Variants in PARD3B observed in about 807,000 individuals in gnomAD.
PARD3B encodes the protein par-3 family cell polarity regulator beta.
In PARD3B, 103 loss-of-function variants were observed where a neutral mutation model predicts 130.2. The ratio of observed to expected loss-of-function variants is 0.79; its 90% CI spans 0.67 to 0.93. The LOEUF (loss-of-function observed/expected upper bound fraction) is 0.93, where lower values mean the gene tolerates loss of function less well. Ranked by LOEUF, PARD3B falls within the 40% of genes least tolerant of loss-of-function variation. PARD3B has a pLI of 0.00. For missense variants in PARD3B, 1,609 were observed against 1,499.2 expected, an observed-to-expected ratio of 1.07 and a Z score of -1.21; for synonymous variants, 583 against 553.2, an observed-to-expected ratio of 1.05 and a Z score of -0.76.
chr2:205,221,916 C>A (rs183002602), intron 15 of PARD3B, among the ~76,000 whole-genome samples: 25 of 152,048 alleles, frequency 1.6e-4, no homozygotes, highest in African/African-American at 6.0e-4. Flanking sequence ...ATATGCTGGA[C>A]ACATAGAGGG....
chr2:205,502,074 C>G (rs2050177034), intron 21 of PARD3B, among the ~76,000 whole-genome samples: 1 of 152,110 alleles, frequency 6.6e-6, no homozygotes, highest in Admixed American at 6.6e-5. Context: ...TACTCCAAGC[C>G]AGGGATTAGA....
At chr2:204,796,809 T>A (rs1044359753) in intron 2 of PARD3B, among the ~76,000 whole-genome samples, 2 of 152,192 alleles carry the variant, frequency 1.3e-5, no homozygotes, top group African/African-American at 2.4e-5. Context: ...CCAGGTACTA[T>A]GTTTTGAGTA....
chr2:204,675,097 G>A lies in PARD3B; in HGVS notation c.121-11084G>A, dbSNP rs774893715. Among the ~76,000 whole-genome samples, 1 of 152,008 alleles carries A rather than the reference G, an allele frequency of 6.6e-6. No homozygotes were observed. Among genetic ancestry groups the A allele is most frequent in the Non-Finnish European group, 1.5e-5 (1 of 68,006 alleles). On this transcript the variant is annotated intron_variant, in intron 1 of 22. Transcript: ENST00000406610. This position sits in a 1 kb window ranked among gnomAD's most constrained non-coding sequence, Gnocchi z 4.4. ...GGACCACACAAGTTTCTAAAACCTT[G>A]GCATCCAGGGCTTTGGACTATAAAA...
Position 204,738,205 on chromosome 2 carries a change from G to C in PARD3B, c.222+51923G>C, listed in dbSNP as rs6730681. On this transcript the variant is annotated intron_variant, in intron 2 of 22. Coordinates refer to ENST00000406610, the MANE Select transcript of PARD3B (RefSeq NM_001302769.2). ...CAATATTGATCCTTCTAATCCATGA[G>C]CATGGGATGCATTTCCATTTGTGTC... 9.5e-4 allele frequency among the ~76,000 whole-genome samples: 145 copies of C among 152,034 alleles called. 2 individuals are homozygous for C. In the South Asian group the frequency reaches 0.023, roughly 24 times the overall value.
chr2:205,053,651 A>G (rs1220749690), intron 4 of PARD3B, among the ~76,000 whole-genome samples: 1 of 152,056 alleles, frequency 6.6e-6, no homozygotes, highest in East Asian at 1.9e-4. Flanking sequence ...CAAAAAAAAA[A>G]AAAAAATTCC....
chr2:204,704,393 A>C (rs988259712), intron 2 of PARD3B, among the ~76,000 whole-genome samples: 1 of 152,224 alleles, frequency 6.6e-6, no homozygotes, highest in Non-Finnish European at 1.5e-5. Flanking sequence ...AATCTTTACC[A>C]GCTTTTGAAA....
intron 19 of PARD3B, 59 bp downstream of exon 19, chr2:205,401,182 G>A: frequency 7.5e-7 from 1 of 1,328,682 alleles, no homozygotes; most frequent in Non-Finnish European, 1.1e-6. Flanking sequence ...GTTTAATTTA[G>A]ATATTGCAAC....
chr2:204,892,804 C>T (rs546769106), intron 2 of PARD3B, among the ~76,000 whole-genome samples: 1 of 152,216 alleles, frequency 6.6e-6, no homozygotes, highest in African/African-American at 2.4e-5. Flanking sequence ...GAAGGGAGTC[C>T]TTTTCTTGAG....
chr2:205,245,750 C>G, intron 15 of PARD3B, 28 bp from the exon 16 acceptor site: 1 of 1,559,298 alleles, frequency 6.4e-7, no homozygotes, highest in Non-Finnish European at 8.8e-7. Flanking sequence ...CCGGTCTGAT[C>G]CTTGTCTCTT....
chr2:204,895,476 CGATATATATCTATGA>C (rs960389104), intron 2 of PARD3B, among the ~76,000 whole-genome samples: 2 of 151,768 alleles, frequency 1.3e-5, no homozygotes, highest in African/African-American at 4.8e-5. Context: ...GGTATTTAAC[CGATATATATCTATGA>C]GATTTCTTAA....
chr2:204,624,542 A>G (rs1255259757), intron 1 of PARD3B, among the ~76,000 whole-genome samples: 1 of 152,216 alleles, frequency 6.6e-6, no homozygotes, highest in Non-Finnish European at 1.5e-5. Flanking sequence ...ATTTTTCACA[A>G]TAGTCAAAAT....
chr2:204,857,969 T>A (rs1451645803), intron 2 of PARD3B, among the ~76,000 whole-genome samples: 1 of 152,182 alleles, frequency 6.6e-6, no homozygotes, highest in Non-Finnish European at 1.5e-5. Context: ...GGGTTAGTCC[T>A]GAACACTTGG....
chr2:205,216,926 C>T (rs1182269672), intron 15 of PARD3B, among the ~76,000 whole-genome samples: 2 of 152,118 alleles, frequency 1.3e-5, no homozygotes, highest in African/African-American at 4.8e-5. Flanking sequence ...CCTCTTCACT[C>T]TGCCACTCTT....
chr2:204,939,740 A>G (rs777464772), intron 2 of PARD3B, among the ~76,000 whole-genome samples: 45 of 152,350 alleles, frequency 3.0e-4, no homozygotes, highest in Middle Eastern at 3.4e-3. Flanking sequence ...AGTGAGTTTT[A>G]TAAACAGGGC....
At chr2:205,604,276 A>T (rs1193223053) in intron 22 of PARD3B, among the ~76,000 whole-genome samples, 1 of 152,146 alleles carries the variant, frequency 6.6e-6, no homozygotes, top group East Asian at 1.9e-4. Flanking sequence ...AGTTTAATGG[A>T]CTTACAGTTC....
At chr2:205,279,616 T>G (rs1272398810) in intron 16 of PARD3B, among the ~76,000 whole-genome samples, 1 of 152,148 alleles carries the variant, frequency 6.6e-6, no homozygotes, top group Non-Finnish European at 1.5e-5. Context: ...TAGAATCGCC[T>G]CTGTGCAATG....
intron 15 of PARD3B, among the ~76,000 whole-genome samples, chr2:205,217,866 GTGTATATATA>G (rs1190183407): frequency 1.9e-3 from 115 of 60,864 alleles, no homozygotes; most frequent in Non-Finnish European, 2.2e-3. Flanking sequence ...GTGTGTGTGT[GTGTATATATA>G]TATATATATA....
rs969311611 is a variant in PARD3B at position 204,931,152 on chromosome 2, A to G, written c.223-34000A>G. On this transcript the variant is annotated intron_variant, in intron 2 of 22. Transcript: ENST00000406610. The stretch of plus-strand genomic sequence containing the variant: ...ATCTTCAAGGACGTTTGTGGCATCA[A>G]ATTCAGTATTTTGTAGATAAGGAGT... Among the ~76,000 whole-genome samples the G allele has an allele frequency of 3.3e-5, 5 of 152,260 alleles. No individual in the cohort carries two copies. The South Asian group carries it at 6.2e-4, about 19-fold the overall frequency.
intron 2 of PARD3B, among the ~76,000 whole-genome samples, chr2:204,935,481 G>A (rs536892386): frequency 4.7e-5 from 7 of 150,228 alleles, no homozygotes; most frequent in Non-Finnish European, 9.0e-5. Context: ...GGAGCTTGCA[G>A]TGAGCCAAGA....
Sources: gnomAD v4.1 joint callset for allele counts (sites outside exome capture counted in the v4.1 genomes callset) on GRCh38, gnomAD v4.1.1 for gene constraint, Gnocchi (gnomAD v3.1) non-coding constraint, MANE v1.5 for transcripts, NCBI Gene and HGNC (gene_info 2026-07-23, HGNC 2026-07-21) for gene names.